Variants in RBM26 observed in about 807,000 individuals in gnomAD.
The protein encoded by RBM26 is RNA binding motif protein 26.
Under a neutral mutation model 123.6 loss-of-function variants are expected in RBM26, and 30 were observed. The ratio of observed to expected loss-of-function variants is 0.24; its 90% confidence interval spans 0.18 to 0.33. The LOEUF (loss-of-function observed/expected upper bound fraction) is 0.33. Ranked by LOEUF, RBM26 falls within the 10% of genes least tolerant of loss-of-function variation. RBM26 has a pLI of 1.00. For missense variants in RBM26, 947 were observed against 1,203.6 expected (o/e 0.79, Z 3.15); for synonymous variants, 400 against 404.4 (o/e 0.99, Z 0.13).
intron 16 of RBM26, among the ~76,000 whole-genome samples, chr13:79,343,509 G>T (rs1365457658): frequency 6.6e-6 from 1 of 151,816 alleles, no homozygotes; most frequent in South Asian, 2.1e-4. Context: ...TCAAAATGTA[G>T]TTTCTGTATT....
intron 17 of RBM26, among the ~76,000 whole-genome samples, chr13:79,341,918 C>A (rs1030986628): frequency 1.3e-5 from 2 of 151,704 alleles, no homozygotes; most frequent in African/African-American, 2.4e-5. Context: ...GACTTTACAC[C>A]TTTAGTGGAA....
At chr13:79,357,028 T>G (rs1235316335) in intron 11 of RBM26, among the ~76,000 whole-genome samples, 1 of 114,494 alleles carries the variant, frequency 8.7e-6, no homozygotes, top group East Asian at 4.1e-4. Context: ...ATGTGTATAC[T>G]ATGGGCTCAT....
rs1255359121 is a variant in RBM26 at position 79,318,887 on chromosome 13, G to GA, written c.*1733dup. ...TGGCACCTTTCACGACTACTAAAAAGAAAAGAAAACAAACTTACCTAATGA... is the reference window on the plus strand; with the variant it reads ...TGGCACCTTTCACGACTACTAAAAAGAAAAAGAAAACAAACTTACCTAATGA... On this transcript the variant is annotated 3_prime_UTR_variant, in exon 22 of 22. Transcript: ENST00000438737. 8 of 979,828 alleles carry GA rather than the reference G, an allele frequency of 8.2e-6. No individual in the cohort carries two copies. In the Admixed American group the frequency reaches 5.0e-4, roughly 61 times the overall value. The allele number at this position is 979,828 out of a possible 1,614,324, so 60.7% of individuals were successfully genotyped here.
chr13:79,356,074 T>C lies in RBM26; in HGVS notation c.1690-690A>G, dbSNP rs979853661. 4.6e-5 allele frequency among the ~76,000 whole-genome samples: 7 copies of C among 152,272 alleles called. No homozygotes were observed. The South Asian group carries it at 1.2e-3, about 27-fold the overall frequency. Reference sequence around the variant, plus strand: ...AGCAATACAGAAAAGAGATTAACAGTGGCCTGGGCCAGGCATGGTGGCTCA... The same window carrying C: ...AGCAATACAGAAAAGAGATTAACAGCGGCCTGGGCCAGGCATGGTGGCTCA... On this transcript the variant is annotated intron_variant, in intron 11 of 21. Coordinates refer to ENST00000438737, the MANE Select transcript of RBM26 (RefSeq NM_001366735.2).
chr13:79,393,934 T>C (rs376576894), intron 1 of RBM26, among the ~76,000 whole-genome samples: 1 of 152,208 alleles, frequency 6.6e-6, no homozygotes, highest in Admixed American at 6.5e-5. Flanking sequence ...AATGGCTTTG[T>C]GCACGTGCTG....
At chr13:79,357,594 G>T (rs1291260692) in intron 11 of RBM26, among the ~76,000 whole-genome samples, 2 of 152,066 alleles carry the variant, frequency 1.3e-5, no homozygotes, top group African/African-American at 4.8e-5. Flanking sequence ...ACTAATTACA[G>T]ATTACAAGGT....
intron 1 of RBM26, among the ~76,000 whole-genome samples, chr13:79,399,590 G>T (rs1159340067): frequency 6.6e-6 from 1 of 152,134 alleles, no homozygotes; most frequent in African/African-American, 2.4e-5. Flanking sequence ...TAAAAAGTAT[G>T]CAATTTATTA....
At chr13:79,324,102 G>A (rs1255265464) in intron 20 of RBM26, among the ~76,000 whole-genome samples, 4 of 151,668 alleles carry the variant, frequency 2.6e-5, no homozygotes, top group Non-Finnish European at 5.9e-5. Context: ...TTCAGGCCAC[G>A]TAATGTAAAA....
At chr13:79,333,526 A>G (rs1177755416) in intron 20 of RBM26, among the ~76,000 whole-genome samples, 1 of 152,236 alleles carries the variant, frequency 6.6e-6, no homozygotes, top group Non-Finnish European at 1.5e-5. Flanking sequence ...AATCAACTTA[A>G]AACTTCTGAA....
In RBM26 at chr13:79,319,948, G is replaced by GATT; in HGVS notation, c.*672_*673insAAT. The GATT allele has an allele frequency of 4.6e-6, 2 of 438,088 alleles. No homozygotes were observed. Among genetic ancestry groups the GATT allele is most frequent in the Non-Finnish European group, 5.0e-6 (2 of 396,104 alleles). The allele number at this position is 438,088 out of a possible 1,614,324, so 27.1% of individuals were successfully genotyped here. Reference sequence around the variant, plus strand: ...TTTTAAATCAAGGAACATTGTCTTGGCTTTTTTTTTTTTTTTTTTTTTGTC... The same window carrying GATT: ...TTTTAAATCAAGGAACATTGTCTTGGATTCTTTTTTTTTTTTTTTTTTTTTGTC... On this transcript the variant is annotated 3_prime_UTR_variant, in exon 22 of 22. Coordinates refer to ENST00000438737, the MANE Select transcript of RBM26 (RefSeq NM_001366735.2).
chr13:79,373,261 G>A (rs1178265331), intron 3 of RBM26, among the ~76,000 whole-genome samples: 14 of 90,394 alleles, frequency 1.5e-4, no homozygotes, highest in African/African-American at 6.2e-4. Flanking sequence ...TTTATGACTT[G>A]GTGAGTTCTA....
At chr13:79,324,519 G>A (rs2068091531) in intron 20 of RBM26, among the ~76,000 whole-genome samples, 1 of 151,654 alleles carries the variant, frequency 6.6e-6, no homozygotes, top group Non-Finnish European at 1.5e-5. Flanking sequence ...GATATTTTGG[G>A]CAAAATATTT....
intron 8 of RBM26, 150 bp from the exon 9 acceptor site, chr13:79,365,868 A>T: frequency 2.1e-6 from 2 of 956,540 alleles, no homozygotes; most frequent in Non-Finnish European, 3.0e-6. Context: ...TATTTAAAAA[A>T]GTTATTAAAA....
intron 21 of RBM26, among the ~76,000 whole-genome samples, chr13:79,321,948 A>G (rs2067721023): frequency 6.6e-6 from 1 of 151,396 alleles, no homozygotes; most frequent in Non-Finnish European, 1.5e-5. Flanking sequence ...GACAGTATCT[A>G]CCATATAACA....
chr13:79,362,149 G>T (rs1270733388), intron 9 of RBM26, among the ~76,000 whole-genome samples: 1 of 152,000 alleles, frequency 6.6e-6, no homozygotes, highest in African/African-American at 2.4e-5. Flanking sequence ...AATGCCCCAG[G>T]GGGACAAGAA....
chr13:79,363,700 A>G (rs962822254), intron 9 of RBM26, among the ~76,000 whole-genome samples: 5 of 152,160 alleles, frequency 3.3e-5, no homozygotes, highest in African/African-American at 9.7e-5. Context: ...ATTACCACAC[A>G]TCCAACTTGT....
chr13:79,326,850 TAGAA>T (rs1211027453), intron 20 of RBM26, among the ~76,000 whole-genome samples: 3 of 145,898 alleles, frequency 2.1e-5, no homozygotes, highest in African/African-American at 5.1e-5. Context: ...AAAAGAGAAA[TAGAA>T]AGAAAAAGAA....
chr13:79,320,246 C>A lies in RBM26; in HGVS notation c.*375G>T. ...AAAACATTCATTAAGATTTTAAATG[C>A]AAATTCATTCCTTATTTGGAATAAA... On this transcript the variant is annotated 3_prime_UTR_variant, in exon 22 of 22. Coordinates refer to ENST00000438737, the MANE Select transcript of RBM26 (RefSeq NM_001366735.2). 1.0e-6 allele frequency: 1 copy of A among 968,714 alleles called. No homozygotes were observed. Among genetic ancestry groups the A allele is most frequent in the Non-Finnish European group, 1.2e-6 (1 of 813,666 alleles). The allele number at this position is 968,714 out of a possible 1,614,324, so 60.0% of individuals were successfully genotyped here.
intron 21 of RBM26, among the ~76,000 whole-genome samples, chr13:79,321,531 A>G (rs2067670188): frequency 6.6e-6 from 1 of 151,348 alleles, no homozygotes; most frequent in Non-Finnish European, 1.5e-5. Context: ...GCTTACTTTT[A>G]AGTTTTTGGT....
Sources: gnomAD v4.1 joint callset for allele counts (sites outside exome capture counted in the v4.1 genomes callset) on GRCh38, gnomAD v4.1.1 for gene constraint, MANE v1.5 for transcripts, NCBI Gene and HGNC (gene_info 2026-07-23, HGNC 2026-07-21) for gene names.